PTPRT: variants seen among roughly 807,000 people sequenced by gnomAD.
PTPRT encodes the protein protein tyrosine phosphatase receptor type T, also known as receptor-type tyrosine-protein phosphatase T.
Under a neutral mutation model 176.8 loss-of-function variants are expected in PTPRT, and 56 were observed. The ratio of observed to expected loss-of-function variants is 0.32; its 90% CI spans 0.26 to 0.40. PTPRT has a LOEUF of 0.40. PTPRT is among the 10% of genes least tolerant of loss of function. The pLI, the probability that PTPRT is intolerant of heterozygous loss-of-function variation, is 1.00. For missense variants in PTPRT, 1,540 were observed against 1,908.2 expected, an observed-to-expected ratio of 0.81 and a Z score of 3.60; for synonymous variants, 783 against 739.0, an observed-to-expected ratio of 1.06 and a Z score of -0.96.
chr20:42,545,124 C>G (rs1403780986), intron 7 of PTPRT, among the ~76,000 whole-genome samples: 1 of 152,228 alleles, frequency 6.6e-6, no homozygotes, highest in Non-Finnish European at 1.5e-5. Context: ...TCTGCCACTT[C>G]AGACCTGCCT....
At chr20:42,235,326 G>A (rs1007933645) in intron 15 of PTPRT, among the ~76,000 whole-genome samples, 1 of 151,806 alleles carries the variant, frequency 6.6e-6, no homozygotes, top group Non-Finnish European at 1.5e-5. Context: ...GCAATGGTAC[G>A]ATTTTGGCTC....
intron 1 of PTPRT, among the ~76,000 whole-genome samples, chr20:43,182,415 C>G (rs79077438): frequency 0.042 from 6,409 of 150,912 alleles, 187 homozygotes; most frequent in Non-Finnish European, 0.066. Flanking sequence ...TTCCGAGACA[C>G]AGTCTTGTTC....
chr20:42,767,553 G>A (rs1443280150), intron 5 of PTPRT, among the ~76,000 whole-genome samples: 1 of 151,396 alleles, frequency 6.6e-6, no homozygotes, highest in African/African-American at 2.4e-5. Flanking sequence ...ATATAGGAAG[G>A]ACATATTATA....
intron 7 of PTPRT, among the ~76,000 whole-genome samples, chr20:42,586,725 C>G (rs1839959931): frequency 6.6e-6 from 1 of 152,162 alleles, no homozygotes; most frequent in South Asian, 2.1e-4. Context: ...CTGTTCCCAC[C>G]TTGCTTTTCT....
intron 1 of PTPRT, among the ~76,000 whole-genome samples, chr20:43,119,511 A>G (rs1199139233): frequency 6.6e-6 from 1 of 152,188 alleles, no homozygotes; most frequent in African/African-American, 2.4e-5. Context: ...CCTATGCATA[A>G]TCCTTCACAT....
chr20:42,955,564 T>C (rs206658), intron 1 of PTPRT, among the ~76,000 whole-genome samples: 2,906 of 152,236 alleles, frequency 0.019, 95 homozygotes, highest in African/African-American at 0.066. Context: ...TTAACACTTA[T>C]TTATTATAAC....
chr20:42,579,266 C>A (rs2073327037), intron 7 of PTPRT, among the ~76,000 whole-genome samples: 1 of 152,040 alleles, frequency 6.6e-6, no homozygotes, highest in Non-Finnish European at 1.5e-5. Context: ...GCATAGTATT[C>A]CATGGTGTAT....
chr20:43,165,199 C>T (rs2014823707), intron 1 of PTPRT, among the ~76,000 whole-genome samples: 1 of 150,912 alleles, frequency 6.6e-6, no homozygotes, highest in Admixed American at 6.6e-5. Context: ...GCTCTTGTCA[C>T]CCAGGCTGGA....
chr20:42,648,820 G>GTTTTTTTTTTTGTTTTTT (rs746084382), intron 7 of PTPRT, among the ~76,000 whole-genome samples: 9 of 111,834 alleles, frequency 8.0e-5, no homozygotes, highest in African/African-American at 3.0e-4. Context: ...TGGTGTCGTT[G>GTTTTTTTTTTTGTTTTTT]TTTTTTTTTT....
chr20:42,492,451 C>T (rs539888168), intron 7 of PTPRT, among the ~76,000 whole-genome samples: 1 of 151,946 alleles, frequency 6.6e-6, no homozygotes, highest in African/African-American at 2.4e-5. Flanking sequence ...TCATGTTAAA[C>T]ATTTTCTTCA....
At chr20:42,324,842 C>T (rs1053898448) in intron 11 of PTPRT, among the ~76,000 whole-genome samples, 4 of 152,120 alleles carry the variant, frequency 2.6e-5, no homozygotes, top group Non-Finnish European at 5.9e-5. Flanking sequence ...TTTGCCTAGT[C>T]AAAATAGCTC....
intron 6 of PTPRT, among the ~76,000 whole-genome samples, chr20:42,728,638 C>A (rs561345427): frequency 6.6e-6 from 1 of 152,134 alleles, no homozygotes; most frequent in Non-Finnish European, 1.5e-5. Context: ...TGTTCCTACA[C>A]GACAGCTGAT....
intron 7 of PTPRT, among the ~76,000 whole-genome samples, chr20:42,603,819 G>T (rs563671578): frequency 6.6e-6 from 1 of 152,220 alleles, no homozygotes; most frequent in African/African-American, 2.4e-5. Context: ...AGACATCCAG[G>T]AGAGGATATT....
At chr20:42,337,485 T>C (rs1436490249) in intron 11 of PTPRT, among the ~76,000 whole-genome samples, 1 of 152,152 alleles carries the variant, frequency 6.6e-6, no homozygotes, top group Non-Finnish European at 1.5e-5. Context: ...AATGAAAGGA[T>C]GCTTGGTATC....
At chr20:42,966,457 G>C (rs1160956772) in intron 1 of PTPRT, 3 of 151,966 alleles carry the variant, frequency 2.0e-5, no homozygotes, top group Non-Finnish European at 4.4e-5. Context: ...TATGTCACAC[G>C]AGCTGTCACA....
Position 42,952,651 on chromosome 20 carries a change from A to G in PTPRT, c.89-66719T>C, listed in dbSNP as rs145195721. Among the ~76,000 whole-genome samples, 104 of 152,352 alleles carry G rather than the reference A, an allele frequency of 6.8e-4. 1 individual carries two copies. Among genetic ancestry groups the G allele is most frequent in the African/African-American group, 2.3e-3 (97 of 41,586 alleles). Reference sequence around the variant, plus strand: ...CCACCTGGAATACAGTAAGCAGTATATAAGTGTTTGCTCTAGGTCGACTTC... The same window carrying G: ...CCACCTGGAATACAGTAAGCAGTATGTAAGTGTTTGCTCTAGGTCGACTTC... On this transcript the variant is annotated intron_variant, in intron 1 of 30. Transcript: ENST00000373187.
intron 5 of PTPRT, among the ~76,000 whole-genome samples, chr20:42,764,547 A>G (rs1356490300): frequency 6.6e-6 from 1 of 152,200 alleles, no homozygotes; most frequent in Non-Finnish European, 1.5e-5. Context: ...GTGTAACCCA[A>G]GGTGACAGGG....
At chr20:42,274,771 G>A (rs1350779105) in intron 13 of PTPRT, among the ~76,000 whole-genome samples, 1 of 152,138 alleles carries the variant, frequency 6.6e-6, no homozygotes, top group South Asian at 2.1e-4. Flanking sequence ...ATATGTTGTG[G>A]AAGTGAAGAA....
At chr20:42,984,912 A>T (rs1204630790) in intron 1 of PTPRT, among the ~76,000 whole-genome samples, 1 of 152,246 alleles carries the variant, frequency 6.6e-6, no homozygotes, top group Admixed American at 6.5e-5. Flanking sequence ...TGCTAACGAC[A>T]GAGGCTGACC....
Sources: gnomAD v4.1 joint callset for allele counts (sites outside exome capture counted in the v4.1 genomes callset) on GRCh38, gnomAD v4.1.1 for gene constraint, MANE v1.5 for transcripts, NCBI Gene and HGNC (gene_info 2026-07-23, HGNC 2026-07-21) for gene names.